ZNF385D: variants seen among roughly 807,000 people sequenced by gnomAD.
ZNF385D encodes zinc finger protein 385D.
In ZNF385D, 15 loss-of-function variants were observed where a neutral mutation model predicts 35.8. That is an observed-to-expected ratio of 0.42 (90% CI 0.28 to 0.64). The LOEUF is 0.64. ZNF385D is among the 30% of genes least tolerant of loss of function. The pLI is 0.23. For missense variants in ZNF385D, 474 were observed against 494.6 expected (o/e 0.96, Z 0.39); for synonymous variants, 212 against 186.8 (o/e 1.13, Z -1.10).
At chr3:21,976,190 T>A (rs536959132) in intron 3 of ZNF385D, among the ~76,000 whole-genome samples, 1 of 152,194 alleles carries the variant, frequency 6.6e-6, no homozygotes, top group Non-Finnish European at 1.5e-5. Flanking sequence ...TGCCAGAGGA[T>A]AGGTTAAATT....
At chr3:21,835,576 A>G (rs1695281579) in intron 3 of ZNF385D, among the ~76,000 whole-genome samples, 1 of 152,096 alleles carries the variant, frequency 6.6e-6, no homozygotes, top group African/African-American at 2.4e-5. Flanking sequence ...AGGCACAAAT[A>G]ATAAATCTTA....
At chr3:21,531,172 CT>C (rs2061913372) in intron 3 of ZNF385D, among the ~76,000 whole-genome samples, 1 of 151,966 alleles carries the variant, frequency 6.6e-6, no homozygotes, top group African/African-American at 2.4e-5. Context: ...TTGCTTAATG[CT>C]TTTTTAAAAA....
chr3:21,877,360 A>C (rs1698034036), intron 3 of ZNF385D, among the ~76,000 whole-genome samples: 1 of 152,086 alleles, frequency 6.6e-6, no homozygotes, highest in Non-Finnish European at 1.5e-5. Context: ...AAATCAATTC[A>C]AGAGCAGATG....
chr3:21,861,237 T>A (rs145278791), intron 3 of ZNF385D, among the ~76,000 whole-genome samples: 3 of 152,136 alleles, frequency 2.0e-5, no homozygotes, highest in Non-Finnish European at 4.4e-5. Flanking sequence ...TTTCGTGCCA[T>A]AGTCCAGGTG....
At chr3:22,317,677 G>T (rs1260851417) in intron 2 of ZNF385D, among the ~76,000 whole-genome samples, 3 of 152,042 alleles carry the variant, frequency 2.0e-5, no homozygotes, top group Non-Finnish European at 4.4e-5. Context: ...TGTTCCTACT[G>T]GGTAATAACG....
In ZNF385D at chr3:22,270,095, T is replaced by TAC. The variant is rs142212463; in HGVS notation, c.107-101062_107-101061dup. ...TAGCAAGCTGCTGATCCATGAGCCC[T>TAC]ACTTTAGGGACCAAGGGTGTAGAGA... On this transcript the variant is annotated intron_variant, in intron 2 of 5. Transcript: ENST00000494108. Among the ~76,000 whole-genome samples, 674 of 152,064 alleles carry TAC rather than the reference T, an allele frequency of 4.4e-3. 7 individuals are homozygous for TAC. The highest frequency in any genetic ancestry group is 0.015 in the African/African-American group (641 of 41,522).
intron 1 of ZNF385D, 24 bp from the exon 2 acceptor site, chr3:21,665,052 G>A (rs1440198183): frequency 1.9e-6 from 3 of 1,570,308 alleles, no homozygotes; most frequent in South Asian, 2.4e-5. Context: ...AGCAAAGGGA[G>A]CAATCAGGGA....
intron 2 of ZNF385D, among the ~76,000 whole-genome samples, chr3:21,565,234 A>T (rs1159923542): frequency 6.6e-6 from 1 of 151,682 alleles, no homozygotes; most frequent in South Asian, 2.1e-4. Flanking sequence ...TCACTTGTTG[A>T]CCATCTAGTA....
intron 3 of ZNF385D, among the ~76,000 whole-genome samples, chr3:22,069,167 A>T (rs1477928104): frequency 6.6e-6 from 1 of 152,204 alleles, no homozygotes; most frequent in Non-Finnish European, 1.5e-5. Flanking sequence ...ACTTCTCCTT[A>T]TATCTCATTG....
intron 3 of ZNF385D, among the ~76,000 whole-genome samples, chr3:22,016,878 A>T (rs538294456): frequency 6.6e-6 from 1 of 151,834 alleles, no homozygotes; most frequent in Non-Finnish European, 1.5e-5. Flanking sequence ...AGATCTAATA[A>T]AAGTTTATTG....
intron 3 of ZNF385D, among the ~76,000 whole-genome samples, chr3:21,834,113 C>T (rs1182904445): frequency 6.6e-6 from 1 of 152,092 alleles, no homozygotes; most frequent in Non-Finnish European, 1.5e-5. Flanking sequence ...GGTGGTTCTA[C>T]AAGATCAAAT....
At chr3:22,014,282 T>A (rs573110356) in intron 3 of ZNF385D, among the ~76,000 whole-genome samples, 1 of 152,048 alleles carries the variant, frequency 6.6e-6, no homozygotes, top group African/African-American at 2.4e-5. Context: ...AAAGACTGAA[T>A]CACTGTATGG....
At chr3:22,002,445 C>G (rs1356246814) in intron 3 of ZNF385D, among the ~76,000 whole-genome samples, 2 of 152,050 alleles carry the variant, frequency 1.3e-5, no homozygotes, top group Non-Finnish European at 2.9e-5. Context: ...AAAAAGTCTT[C>G]CAGAAAAGAA....
At chr3:21,764,466 T>C (rs1006228160) in intron 3 of ZNF385D, among the ~76,000 whole-genome samples, 1 of 152,170 alleles carries the variant, frequency 6.6e-6, no homozygotes, top group Admixed American at 6.6e-5. Flanking sequence ...GATAAACATA[T>C]GCAATAATGC....
At chr3:21,629,023 A>G (rs1291638554) in intron 2 of ZNF385D, among the ~76,000 whole-genome samples, 6 of 152,088 alleles carry the variant, frequency 3.9e-5, no homozygotes, top group African/African-American at 1.4e-4. Flanking sequence ...TCTGGCAACC[A>G]ATACTGACCA....
intron 3 of ZNF385D, among the ~76,000 whole-genome samples, chr3:22,087,891 T>C (rs1021413421): frequency 6.6e-6 from 1 of 152,294 alleles, no homozygotes; most frequent in East Asian, 1.9e-4. Context: ...TTGAACTATA[T>C]TAATGACTTT....
intron 3 of ZNF385D, among the ~76,000 whole-genome samples, chr3:22,083,950 T>G (rs1448433984): frequency 3.9e-5 from 6 of 152,244 alleles, no homozygotes; most frequent in Middle Eastern, 3.4e-3. Context: ...AGAAAAGAAT[T>G]TTCAACCCAT....
chr3:21,681,217 G>A (rs2066888878), intron 1 of ZNF385D, among the ~76,000 whole-genome samples: 1 of 132,066 alleles, frequency 7.6e-6, no homozygotes, highest in South Asian at 2.5e-4. Flanking sequence ...ATATGGTAAG[G>A]TAAACCTTCT....
At chr3:22,050,484 G>C (rs774492681) in intron 3 of ZNF385D, among the ~76,000 whole-genome samples, 2 of 152,140 alleles carry the variant, frequency 1.3e-5, no homozygotes, top group Non-Finnish European at 1.5e-5. Context: ...GCTTTCCTTT[G>C]ACAGGAAATG....
Sources: allele counts gnomAD v4.1 joint callset (sites outside exome capture counted in the v4.1 genomes callset), GRCh38; gene constraint gnomAD v4.1.1; transcripts MANE v1.5; gene names NCBI Gene and HGNC (gene_info 2026-07-23, HGNC 2026-07-21).